The following STK31 variants were observed in gnomAD, a reference collection of about 807,000 sequenced individuals.
The protein encoded by STK31 is serine/threonine kinase 31, also known as serine/threonine-protein kinase 31.
Under a neutral mutation model 129.7 loss-of-function variants are expected in STK31, and 89 were observed. The observed-to-expected ratio is 0.69, with a 90% confidence interval of 0.58 to 0.82. STK31 has a LOEUF of 0.82. Among genes scored for constraint, STK31 ranks in the 40% least tolerant of loss-of-function variants. The probability of loss-of-function intolerance (pLI) is 0.00; values close to 1 mark genes in which losing one functional copy is unlikely to be tolerated. For synonymous variants in STK31, 448 were observed against 395.3 expected (o/e 1.13, Z -1.58); for missense variants, 1,187 against 1,176.4 (o/e 1.01, Z -0.13).
intron 17 of STK31, among the ~76,000 whole-genome samples, chr7:23,784,295 A>G (rs1290573938): frequency 6.6e-6 from 1 of 152,142 alleles, no homozygotes; most frequent in African/African-American, 2.4e-5. Flanking sequence ...AGTCCATTAT[A>G]ATGGCTTAAA....
intron 23 of STK31, among the ~76,000 whole-genome samples, chr7:23,826,745 C>A (rs750511918): frequency 9.9e-5 from 15 of 151,726 alleles, no homozygotes; most frequent in Middle Eastern, 3.4e-3. Context: ...ACCTGTTGTT[C>A]CATGTTTAGT....
chr7:23,804,818 G>A (rs1055333467), intron 22 of STK31, among the ~76,000 whole-genome samples: 7 of 152,142 alleles, frequency 4.6e-5, no homozygotes, highest in African/African-American at 1.4e-4. Flanking sequence ...AGGATTTCCT[G>A]TCCTCTCATT....
chr7:23,824,639 A>G (rs1794003197), intron 23 of STK31, among the ~76,000 whole-genome samples: 1 of 152,164 alleles, frequency 6.6e-6, no homozygotes, highest in Non-Finnish European at 1.5e-5. Flanking sequence ...ACTATGTTGA[A>G]TAGGAGTGGT....
Position 23,790,869 on chromosome 7 carries a change from A to T in STK31, c.2683A>T (p.Met895Leu). The T allele has an allele frequency of 6.2e-7, 1 of 1,609,148 alleles. No homozygotes were observed. The highest frequency in any genetic ancestry group is 1.3e-5 in the African/African-American group (1 of 74,870). Residue 895 changes from methionine to leucine, a missense_variant, in exon 22 of 24, where the codon ATG becomes TTG. This residue lies in a region of STK31 where 975 missense variants were observed against 934.9 expected (regional missense o/e 1.04). Transcript: ENST00000355870. ...VNMMVGDLSL[M>L]SPELKMGKPA... Reference sequence around the variant, plus strand: ...CATGATGGTTGGTGACTTGAGTTTGATGTCACCTGAGTTGAAAATGGGAAA... The same window carrying T: ...CATGATGGTTGGTGACTTGAGTTTGTTGTCACCTGAGTTGAAAATGGGAAA...
chr7:23,790,934 C>T lies in STK31; in HGVS notation c.2748C>T (p.Cys916=), dbSNP rs1791577293. Residue 916 remains cysteine (C), a synonymous_variant, in exon 22 of 24, where the codon TGC becomes TGT. Transcript: ENST00000355870. Reference sequence around the variant, plus strand: ...GTTCAGACTTATATGCTTATGGCTGCCTCTTATTATGGGTATGTTATTTTT... The same window carrying T: ...GTTCAGACTTATATGCTTATGGCTGTCTCTTATTATGGGTATGTTATTTTT... ...SPGSDLYAYG[C]LLLWLSVQNQ... The T allele has an allele frequency of 6.4e-7, 1 of 1,569,026 alleles. No individual in the cohort carries two copies.
At chr7:23,715,356 G>A (rs376755729) in intron 3 of STK31, among the ~76,000 whole-genome samples, 2 of 151,842 alleles carry the variant, frequency 1.3e-5, no homozygotes, top group East Asian at 1.9e-4. Flanking sequence ...GGTGGCTCAT[G>A]CCTGTAATCC....
At chr7:23,830,079 A>G (rs1296629563) in intron 23 of STK31, among the ~76,000 whole-genome samples, 2 of 151,850 alleles carry the variant, frequency 1.3e-5, no homozygotes, top group Admixed American at 1.3e-4. Context: ...CCTTCCACGT[A>G]GCTGGGACTA....
At chr7:23,739,263 A>G (rs1397593541) in intron 8 of STK31, among the ~76,000 whole-genome samples, 1 of 152,316 alleles carries the variant, frequency 6.6e-6, no homozygotes, top group East Asian at 1.9e-4. Context: ...TTTTGGCCGC[A>G]TAAATGTCTT....
intron 23 of STK31, among the ~76,000 whole-genome samples, 172 bp from the exon 24 acceptor site, chr7:23,831,964 G>A (rs183452415): frequency 7.9e-5 from 12 of 152,182 alleles, no homozygotes; most frequent in African/African-American, 2.4e-4. Context: ...TGTGATTATC[G>A]GCTCATTATT....
At position 23,715,452 on chromosome 7, in the gene STK31, C is replaced by CA. The variant is rs5882910; in HGVS notation, c.151-2012dup. 3.6e-3 allele frequency among the ~76,000 whole-genome samples: 464 copies of CA among 128,398 alleles called. 2 individuals are homozygous for CA. Among genetic ancestry groups the CA allele is most frequent in the Non-Finnish European group, 5.4e-3 (324 of 59,684 alleles). 84.2% of individuals were successfully genotyped at this position (128,398 alleles called of 152,430 possible). On this transcript the variant is annotated intron_variant, in intron 3 of 23. Transcript: ENST00000355870. ...TGGCAACAGTAAGACCTTGTCGCTA[C>CA]AAAAAAAAAAAAAAAAATTAGCCAG...
intron 8 of STK31, among the ~76,000 whole-genome samples, chr7:23,746,135 A>C (rs1235108393): frequency 6.6e-6 from 1 of 152,136 alleles, no homozygotes; most frequent in East Asian, 1.9e-4. Flanking sequence ...GGGCACACAA[A>C]ATGGCAGCAT....
chr7:23,753,217 A>C (rs2128093274), intron 9 of STK31, among the ~76,000 whole-genome samples: 1 of 152,326 alleles, frequency 6.6e-6, no homozygotes, highest in South Asian at 2.1e-4. Flanking sequence ...GAAGAAGAAA[A>C]TCAATTCCTA....
chr7:23,719,273 G>A (rs1786535978), intron 4 of STK31, among the ~76,000 whole-genome samples: 1 of 152,028 alleles, frequency 6.6e-6, no homozygotes, highest in Admixed American at 6.6e-5. Flanking sequence ...CAATGATCAT[G>A]AAAATCTACT....
chr7:23,785,665 A>T, intron 18 of STK31, 62 bp downstream of exon 18: 1 of 1,529,822 alleles, frequency 6.5e-7, no homozygotes, highest in Non-Finnish European at 8.8e-7. Context: ...TGGTGCTGTT[A>T]CATTTCAAGA....
chr7:23,759,784 A>C (rs1317788277), intron 10 of STK31, among the ~76,000 whole-genome samples: 3 of 152,214 alleles, frequency 2.0e-5, no homozygotes, highest in Non-Finnish European at 4.4e-5. Context: ...TACTGGGAGA[A>C]ACTACAAACT....
chr7:23,828,066 G>T (rs568493555), intron 23 of STK31, among the ~76,000 whole-genome samples: 25 of 152,352 alleles, frequency 1.6e-4, no homozygotes, highest in Middle Eastern at 3.4e-3. Context: ...GAGGCAGTCT[G>T]CCTGTTCTCA....
chr7:23,762,832 A>T lies in STK31; in HGVS notation c.1325A>T (p.Asn442Ile). The T allele has an allele frequency of 6.2e-7, 1 of 1,609,492 alleles. No homozygotes were observed. The highest frequency in any genetic ancestry group is 1.3e-5 in the African/African-American group (1 of 74,912). ...GGGAATATTTTGATTGCCCAAAGAA[A>T]TGAAATGCAGCAGAAGCTGTACATG... Reference protein sequence around the residue: ...SEGNILIAQRNEMQQKLYMSV... With the variant: ...SEGNILIAQRIEMQQKLYMSV... Residue 442 changes from asparagine to isoleucine, a missense_variant, in exon 11 of 24, where the codon AAT becomes ATT. Asn to Ile is a moderately radical substitution (Grantham distance 149). This residue lies in a region of STK31 where 975 missense variants were observed against 934.9 expected (regional missense o/e 1.04). Transcript: ENST00000355870.
At chr7:23,821,523 C>G (rs944053967) in intron 23 of STK31, among the ~76,000 whole-genome samples, 1 of 151,578 alleles carries the variant, frequency 6.6e-6, no homozygotes, top group Non-Finnish European at 1.5e-5. Context: ...TTTTCCCTGT[C>G]GAGTTTCTTG....
intron 10 of STK31, among the ~76,000 whole-genome samples, chr7:23,760,292 GTAAA>G (rs77267395): frequency 0.25 from 38,085 of 151,818 alleles, 5,100 homozygotes; most frequent in East Asian, 0.39. Context: ...ATTATACCCT[GTAAA>G]TCTTACTCCC....
Sources: allele counts gnomAD v4.1 joint callset (sites outside exome capture counted in the v4.1 genomes callset), GRCh38; gene constraint gnomAD v4.1.1; regional missense constraint gnomAD v4.1.1; transcripts MANE v1.5; gene names NCBI Gene and HGNC (gene_info 2026-07-23, HGNC 2026-07-21).